Variants in SSH2 observed in about 807,000 individuals in gnomAD.
SSH2 encodes the protein slingshot protein phosphatase 2.
Under a neutral mutation model 135.2 loss-of-function variants are expected in SSH2, and 37 were observed. The observed-to-expected ratio is 0.27, with a 90% CI of 0.21 to 0.36. The LOEUF is 0.36. SSH2 is among the 10% of genes least tolerant of loss of function. The probability of loss-of-function intolerance (pLI) is 1.00; values close to 1 mark genes in which losing one functional copy is unlikely to be tolerated. For missense variants in SSH2, 1,408 were observed against 1,765.3 expected (o/e 0.80, Z 3.63); for synonymous variants, 628 against 646.2 (o/e 0.97, Z 0.43).
At chr17:29,724,153 G>T (rs941057060) in intron 3 of SSH2, among the ~76,000 whole-genome samples, 1 of 152,140 alleles carries the variant, frequency 6.6e-6, no homozygotes, top group Non-Finnish European at 1.5e-5. Context: ...TAACTCAAAG[G>T]TGTAATACAT....
At chr17:29,877,758 T>C (rs2066060302) in intron 1 of SSH2, among the ~76,000 whole-genome samples, 1 of 127,598 alleles carries the variant, frequency 7.8e-6, no homozygotes, top group South Asian at 2.7e-4. Flanking sequence ...TAGGGATGGT[T>C]AATGGGTACC....
At chr17:29,831,797 T>C (rs12602426) in intron 2 of SSH2, among the ~76,000 whole-genome samples, 60,497 of 151,764 alleles carry the variant, frequency 0.4, 14,566 homozygotes, top group East Asian at 0.69. Context: ...CGAGGCTGTC[T>C]CCAACTCCTG....
chr17:29,677,525 A>T, intron 7 of SSH2, 148 bp downstream of exon 7: 1 of 695,084 alleles, frequency 1.4e-6, no homozygotes, highest in South Asian at 1.7e-5. Context: ...TCCACTTTAC[A>T]AAACAGGAGT....
intron 3 of SSH2, among the ~76,000 whole-genome samples, chr17:29,728,265 A>C (rs1033949707): frequency 1.1e-4 from 16 of 152,246 alleles, no homozygotes; most frequent in Non-Finnish European, 7.3e-5. Flanking sequence ...TGCCAACAGC[A>C]AACAATCTGA....
Position 29,644,506 on chromosome 17 carries a change from C to T in SSH2, c.1427+3638G>A, listed in dbSNP as rs116322301. 9.9e-3 allele frequency among the ~76,000 whole-genome samples: 1,514 copies of T among 152,226 alleles called. 20 individuals carry two copies. Among genetic ancestry groups the T allele is most frequent in the African/African-American group, 0.035 (1,452 of 41,526 alleles). On this transcript the variant is annotated intron_variant, in intron 14 of 15. Transcript: ENST00000540801. Reference sequence around the variant, plus strand: ...ACAATGCCACACTTGTAAATAGTCCCTTTATAAAACTCTCCTCAATGGCCA... The same window carrying T: ...ACAATGCCACACTTGTAAATAGTCCTTTTATAAAACTCTCCTCAATGGCCA...
At chr17:29,649,911 A>G (rs926729871) in intron 13 of SSH2, among the ~76,000 whole-genome samples, 1 of 152,246 alleles carries the variant, frequency 6.6e-6, no homozygotes, top group African/African-American at 2.4e-5. Flanking sequence ...AAGGTCCTTA[A>G]GAGAAGTGTG....
chr17:29,829,322 AG>A (rs2042798186), intron 2 of SSH2, among the ~76,000 whole-genome samples: 1 of 152,208 alleles, frequency 6.6e-6, no homozygotes, highest in African/African-American at 2.4e-5. Context: ...TAACTTAACT[AG>A]GGTCATATAC....
intron 6 of SSH2, among the ~76,000 whole-genome samples, chr17:29,680,579 A>AAAAAAAAAC (rs2037935382): frequency 6.7e-6 from 1 of 149,618 alleles, no homozygotes; most frequent in Admixed American, 6.7e-5. Flanking sequence ...AAAAAAAAAA[A>AAAAAAAAAC]AGAGTGATTC....
chr17:29,732,092 G>T (rs1172475610), intron 3 of SSH2, among the ~76,000 whole-genome samples: 1 of 152,126 alleles, frequency 6.6e-6, no homozygotes, highest in African/African-American at 2.4e-5. Context: ...GATATCTCCT[G>T]CATTGGTTAT....
intron 5 of SSH2, among the ~76,000 whole-genome samples, chr17:29,694,021 G>A (rs1260512605): frequency 6.6e-6 from 1 of 152,144 alleles, no homozygotes; most frequent in East Asian, 1.9e-4. Flanking sequence ...GCAACCCGTG[G>A]CCCAAGATGG....
chr17:29,666,972 T>C lies in SSH2; in HGVS notation c.927A>G (p.Gln309=). Residue 309 remains glutamine, a synonymous_variant, in exon 11 of 16, where the codon CAA becomes CAG. Transcript: ENST00000540801. ...TGAATTCCCGCAAGTTGCACACCAT[T>C]TGCATTTCCAACTCTGTTCTTATCT... The part of the protein sequence containing the change: ...SKEIRTELEM[Q]MVCNLREFKE... 1.9e-6 allele frequency: 3 copies of C among 1,614,054 alleles called. No individual in the cohort carries two copies. The highest frequency in any genetic ancestry group is 2.2e-5 in the East Asian group (1 of 44,864).
chr17:29,712,090 C>T (rs914778976), intron 3 of SSH2, among the ~76,000 whole-genome samples: 6 of 152,106 alleles, frequency 3.9e-5, no homozygotes, highest in Admixed American at 1.3e-4. Flanking sequence ...TCAAGAAAGG[C>T]GAGATAACTC....
intron 1 of SSH2, among the ~76,000 whole-genome samples, chr17:29,852,429 A>G (rs2065580023): frequency 6.6e-6 from 1 of 152,026 alleles, no homozygotes; most frequent in Non-Finnish European, 1.5e-5. Context: ...TTACAACATA[A>G]TTGGTTCATG....
At chr17:29,735,095 C>T (rs984716437) in intron 3 of SSH2, among the ~76,000 whole-genome samples, 3 of 151,996 alleles carry the variant, frequency 2.0e-5, no homozygotes, top group African/African-American at 7.3e-5. Context: ...GCCTTTTCCT[C>T]CAGAAAAAAT....
In SSH2 at chr17:29,741,791, T is replaced by C. The variant is rs1197302149; in HGVS notation, c.189-38729A>G. Among the ~76,000 whole-genome samples the C allele has an allele frequency of 2.6e-5, 4 of 152,060 alleles. No individual in the cohort carries two copies. In the South Asian group the frequency reaches 8.3e-4, roughly 32 times the overall value. Reference sequence around the variant, plus strand: ...CCACCATGCCCAGCTAATTTTTCTATTTTTGGTAGAGACGGGGTTTCACCA... The same window carrying C: ...CCACCATGCCCAGCTAATTTTTCTACTTTTGGTAGAGACGGGGTTTCACCA... On this transcript the variant is annotated intron_variant, in intron 3 of 15. Coordinates refer to ENST00000540801, the MANE Select transcript of SSH2 (RefSeq NM_001282129.2).
chr17:29,634,700 G>A (rs186369581), intron 15 of SSH2, among the ~76,000 whole-genome samples: 24 of 152,068 alleles, frequency 1.6e-4, no homozygotes, highest in Admixed American at 8.5e-4. Context: ...CTACAGGTGC[G>A]CGCCACCACG....
At chr17:29,656,870 T>C (rs1255848198) in intron 11 of SSH2, among the ~76,000 whole-genome samples, 2 of 152,226 alleles carry the variant, frequency 1.3e-5, no homozygotes, top group Admixed American at 1.3e-4. Flanking sequence ...AATAACCTGA[T>C]ACACTATACA....
chr17:29,662,502 C>T (rs1392558848), intron 11 of SSH2, among the ~76,000 whole-genome samples: 2 of 152,200 alleles, frequency 1.3e-5, no homozygotes, highest in Admixed American at 1.3e-4. Context: ...ATTTATGCCA[C>T]ACCTCCTGAA....
chr17:29,896,503 G>C (rs1417877349), intron 1 of SSH2, among the ~76,000 whole-genome samples: 1 of 149,278 alleles, frequency 6.7e-6, no homozygotes, highest in African/African-American at 2.4e-5. Flanking sequence ...ACAGGCACTT[G>C]GGCATCTGTA....
Sources: gnomAD v4.1 joint callset for allele counts (sites outside exome capture counted in the v4.1 genomes callset) on GRCh38, gnomAD v4.1.1 for gene constraint, MANE v1.5 for transcripts, NCBI Gene and HGNC (gene_info 2026-07-23, HGNC 2026-07-21) for gene names.